The following AQP4 variants were observed in gnomAD, a reference collection of about 807,000 sequenced individuals.
The protein encoded by AQP4 is aquaporin 4, also known as aquaporin-4.
A neutral mutation model predicts 27.8 loss-of-function variants in AQP4; 18 were observed. The ratio of observed to expected loss-of-function variants is 0.65; its 90% CI spans 0.45 to 0.96. AQP4 has a LOEUF of 0.96. Among genes scored for constraint, AQP4 ranks in the 40% least tolerant of loss-of-function variants. AQP4 has a pLI of 0.00. For missense variants in AQP4, 412 were observed against 408.2 expected, an observed-to-expected ratio of 1.01 and a Z score of -0.08; for synonymous variants, 141 against 142.9, an observed-to-expected ratio of 0.99 and a Z score of 0.10.
At position 26,862,539 on chromosome 18, in the gene AQP4, C is replaced by G. The variant is rs764731008; in HGVS notation, c.90G>C (p.Trp30Cys). ...ENIMVAFKGV[W>C]TQAFWKAVTA... is the part of the protein sequence containing the mutation. The stretch of plus-strand genomic sequence containing the variant: ...TGACTGCTTTCCAGAAAGCTTGAGT[C>G]CAGACCCCTTTGAAAGCCACCATGA... The change falls in exon 2 of 5, where the codon TGG becomes TGC. Residue 30 changes from tryptophan to cysteine, a missense_variant. Transcript: ENST00000383168. 8.7e-6 allele frequency: 14 copies of G among 1,614,046 alleles called. No individual in the cohort carries two copies. In the South Asian group the frequency reaches 1.5e-4, roughly 18 times the overall value.
In AQP4 at chr18:26,854,551, A is replaced by T. The variant is rs2054808523; in HGVS notation, c.*1660T>A. The T allele has an allele frequency of 6.6e-6, 1 of 152,294 alleles. No individual in the cohort carries two copies. Among genetic ancestry groups the T allele is most frequent in the African/African-American group, 2.4e-5 (1 of 41,316 alleles). 9.4% of individuals were successfully genotyped at this position (152,294 alleles called of 1,614,324 possible). A position where few individuals can be genotyped will look rare whatever the true frequency, so the allele number is the denominator to read the frequency against. On this transcript the variant is annotated 3_prime_UTR_variant, in exon 5 of 5. Coordinates refer to ENST00000383168, the MANE Select transcript of AQP4 (RefSeq NM_001650.7). ...TCCCAGGCATAACACTGGTGTGACG[A>T]CTCTCTGGGAATCTCACACATCACT...
In AQP4 at chr18:26,862,509, C is replaced by G; in HGVS notation, c.120G>C (p.Ala40=). ...WTQAFWKAVT[A]EFLAMLIFVL... is the part of the protein sequence containing the mutation. ...CAAAAATAAGCATGGCCAGAAATTC[C>G]GCTGTGACTGCTTTCCAGAAAGCTT... Residue 40 remains alanine (A), a synonymous_variant, in exon 2 of 5, where the codon GCG becomes GCC. Transcript: ENST00000383168. 1 of 1,614,174 alleles carries G rather than the reference C, an allele frequency of 6.2e-7. No individual in the cohort carries two copies. Among genetic ancestry groups the G allele is most frequent in the Non-Finnish European group, 8.5e-7 (1 of 1,180,034 alleles).
At chr18:26,862,070 C>T (rs1198136509) in intron 2 of AQP4, 112 bp downstream of exon 2, 1 of 1,241,110 alleles carries the variant, frequency 8.1e-7, no homozygotes, top group African/African-American at 1.5e-5. Flanking sequence ...CAAAAATTCC[C>T]TAGGAGTAAA....
chr18:26,861,451 A>C (rs2054943166), intron 2 of AQP4, among the ~76,000 whole-genome samples, 156 bp from the exon 3 acceptor site: 1 of 152,166 alleles, frequency 6.6e-6, no homozygotes, highest in South Asian at 2.1e-4. Context: ...CTCACCCCCC[A>C]AAAAGAAGGA....
At chr18:26,857,144 G>T (rs1463189901) in intron 4 of AQP4, among the ~76,000 whole-genome samples, 1 of 152,106 alleles carries the variant, frequency 6.6e-6, no homozygotes, top group Non-Finnish European at 1.5e-5. Flanking sequence ...GTAGTAATCT[G>T]CTCCATTCCA....
intron 1 of AQP4, chr18:26,863,299 G>C (rs372860951): frequency 6.5e-6 from 1 of 153,180 alleles, no homozygotes; most frequent in Non-Finnish European, 1.5e-5. Context: ...CAAGGGACAC[G>C]CGCACCGCCC....
intron 1 of AQP4, among the ~76,000 whole-genome samples, chr18:26,863,734 A>C (rs888006039): frequency 6.6e-6 from 1 of 152,192 alleles, no homozygotes; most frequent in Non-Finnish European, 1.5e-5. Flanking sequence ...GCCCCTGAGC[A>C]GAAGGCTCTA....
chr18:26,858,479 A>C (rs191876290), intron 4 of AQP4, among the ~76,000 whole-genome samples: 3 of 152,344 alleles, frequency 2.0e-5, no homozygotes, highest in East Asian at 1.9e-4. Flanking sequence ...ATTTAAGCTG[A>C]GGCTGAAGAC....
At chr18:26,864,050 C>T (rs998061122) in intron 1 of AQP4, among the ~76,000 whole-genome samples, 2 of 151,966 alleles carry the variant, frequency 1.3e-5, no homozygotes, top group African/African-American at 4.8e-5. Context: ...TTGCCCTTGT[C>T]CTTTGCCTGT....
rs1186082605 is a variant in AQP4 at position 26,865,697 on chromosome 18, C to G, written c.-8G>C. 6.2e-7 allele frequency: 1 copy of G among 1,614,082 alleles called. No individual in the cohort carries two copies. The highest frequency in any genetic ancestry group is 8.5e-7 in the Non-Finnish European group (1 of 1,180,036). ...TGTGGGTCTGTCACTCATGCCTTCC[C>G]CAGCCAGAGTGCAGCTCTCATTGCC... is the stretch of plus-strand genomic sequence containing the variant. On this transcript the variant is annotated 5_prime_UTR_variant, in exon 1 of 5. Transcript: ENST00000383168.
At chr18:26,859,987 C>T (rs190644242) in intron 4 of AQP4, among the ~76,000 whole-genome samples, 8 of 152,320 alleles carry the variant, frequency 5.3e-5, no homozygotes, top group Admixed American at 5.2e-4. Flanking sequence ...GTGGCCTTCA[C>T]AACTGCTGCA....
intron 4 of AQP4, among the ~76,000 whole-genome samples, chr18:26,858,025 C>G (rs773600459): frequency 6.6e-6 from 1 of 152,196 alleles, no homozygotes; most frequent in South Asian, 2.1e-4. Context: ...AATCCCAGCA[C>G]TTTAAGAGGC....
rs771087375 is a variant in AQP4, at chr18:26,862,293, G to T, written c.336C>A (p.Ile112=). ...CTGCGATGTAGAAGACAGACTTGGCGATGCTGATCTTCCTGGTGCACACCA... is the reference window on the plus strand; with the variant it reads ...CTGCGATGTAGAAGACAGACTTGGCTATGCTGATCTTCCTGGTGCACACCA... ...VAMVCTRKIS[I]AKSVFYIAAQ... Residue 112 remains isoleucine (I), a synonymous_variant, in exon 2 of 5, where the codon ATC becomes ATA. Coordinates refer to ENST00000383168, the MANE Select transcript of AQP4 (RefSeq NM_001650.7). 13 of 1,614,216 alleles carry T rather than the reference G, an allele frequency of 8.1e-6. No individual in the cohort carries two copies. The highest frequency in any genetic ancestry group is 1.1e-5 in the Non-Finnish European group (13 of 1,180,040).
intron 1 of AQP4, chr18:26,862,999 G>GC (rs368657170): frequency 2.8e-5 from 5 of 176,874 alleles, no homozygotes; most frequent in Non-Finnish European, 4.6e-5. Flanking sequence ...GTGTGCGTGG[G>GC]GGGGGGGGGT....
Position 26,860,775 on chromosome 18 carries a change from A to T in AQP4, c.690T>A (p.His230Gln), listed in dbSNP as rs72557976. ...GAACTATCAATATGAGGGTTACCCA[A>T]TGGTTTTCCCAATTTCCCATGATAA... is the stretch of plus-strand genomic sequence containing the variant. The part of the protein sequence containing the change: ...PAVIMGNWEN[H>Q]WIYWVGPIIG... The change falls in exon 4 of 5, where the codon CAT (histidine) becomes CAA (glutamine). Residue 230 changes from histidine to glutamine, a missense_variant. By Grantham distance (24) the His-to-Gln change is conservative. Coordinates refer to ENST00000383168, the MANE Select transcript of AQP4 (RefSeq NM_001650.7). 1.2e-5 allele frequency: 20 copies of T among 1,613,150 alleles called. No individual in the cohort carries two copies. The highest frequency in any genetic ancestry group is 8.0e-5 in the African/African-American group (6 of 74,922).
Position 26,854,302 on chromosome 18 carries a change from T to C in AQP4, c.*1909A>G, listed in dbSNP as rs898263404. ...CTGACATGTTTGCTGACGGTTGATATTACCTTTTGAACTGAACCACCCTGA... is the reference window on the plus strand; with the variant it reads ...CTGACATGTTTGCTGACGGTTGATACTACCTTTTGAACTGAACCACCCTGA... On this transcript the variant is annotated 3_prime_UTR_variant, in exon 5 of 5. Transcript: ENST00000383168. 1 of 152,232 alleles carries C rather than the reference T, an allele frequency of 6.6e-6. No individual in the cohort carries two copies. The highest frequency in any genetic ancestry group is 1.5e-5 in the Non-Finnish European group (1 of 68,052). The allele number at this position is 152,232 out of a possible 1,614,324, so 9.4% of individuals were successfully genotyped here.
chr18:26,862,403 A>T lies in AQP4; in HGVS notation c.226T>A (p.Cys76Ser), dbSNP rs1407332952. ...LPVDMVLISL[C>S]FGLSIATMVQ... ...ATGGTTGCAATGCTGAGTCCAAAGC[A>T]AAGGGAGATGAGAACCATGTCGACC... Residue 76 changes from cysteine to serine, a missense_variant, in exon 2 of 5, where the codon TGC becomes AGC. Cys to Ser is a moderately radical substitution (Grantham distance 112). Coordinates refer to ENST00000383168, the MANE Select transcript of AQP4 (RefSeq NM_001650.7). 6.2e-7 allele frequency: 1 copy of T among 1,614,126 alleles called. No homozygotes were observed. Among genetic ancestry groups the T allele is most frequent in the African/African-American group, 1.3e-5 (1 of 74,948 alleles).
chr18:26,853,090 A>C lies in AQP4; in HGVS notation c.*3121T>G. On this transcript the variant is annotated 3_prime_UTR_variant, in exon 5 of 5. Transcript: ENST00000383168. ...TTTGGAATCAGATCTCTGATAAATC[A>C]TATAGCTCAATTTCATCACATATGT... is the stretch of plus-strand genomic sequence containing the variant. The C allele has an allele frequency of 2.5e-6, 1 of 393,018 alleles. No individual in the cohort carries two copies. Among genetic ancestry groups the C allele is most frequent in the African/African-American group, 2.1e-5 (1 of 48,666 alleles). 24.3% of individuals were successfully genotyped at this position (393,018 alleles called of 1,614,324 possible). A position where few individuals can be genotyped will look rare whatever the true frequency, so the allele number is the denominator to read the frequency against.
In AQP4 at chr18:26,856,390, C is replaced by T. The variant is rs372185576; in HGVS notation, c.793G>A (p.Ala265Thr). 6.2e-7 allele frequency: 1 copy of T among 1,614,234 alleles called. No homozygotes were observed. The change falls in exon 5 of 5, where the codon GCC becomes ACC. Residue 265 changes from alanine (A) to threonine (T), a missense_variant. Coordinates refer to ENST00000383168, the MANE Select transcript of AQP4 (RefSeq NM_001650.7). Reference protein sequence around the residue: ...DVEFKRRFKEAFSKAAQQTKG... With the variant: ...DVEFKRRFKETFSKAAQQTKG... ...GTTTGCTGGGCAGCTTTGCTGAAGGCTTCTTTAAAACGACGTTTGAATTCA... is the reference window on the plus strand; with the variant it reads ...GTTTGCTGGGCAGCTTTGCTGAAGGTTTCTTTAAAACGACGTTTGAATTCA...
Sources: allele counts gnomAD v4.1 joint callset (sites outside exome capture counted in the v4.1 genomes callset), GRCh38; gene constraint gnomAD v4.1.1; transcripts MANE v1.5; gene names NCBI Gene and HGNC (gene_info 2026-07-23, HGNC 2026-07-21).